Variants in GALNT13 observed in about 807,000 individuals in gnomAD.
GALNT13 encodes polypeptide N-acetylgalactosaminyltransferase 13, also known as UDP-GalNAc:polypeptide N-acetylgalactosaminyltransferase 13.
GALNT13 carries 28 observed loss-of-function variants against 64.2 expected under a neutral mutation model. That is an observed-to-expected ratio of 0.44 (90% CI 0.32 to 0.60). GALNT13 has a LOEUF of 0.60. Among genes scored for constraint, GALNT13 ranks in the 20% least tolerant of loss-of-function variants. The pLI, the probability that GALNT13 is intolerant of heterozygous loss-of-function variation, is 0.05. For synonymous variants in GALNT13, 214 were observed against 224.6 expected (o/e 0.95, Z 0.42); for missense variants, 577 against 669.8 (o/e 0.86, Z 1.53).
chr2:153,977,454 C>A (rs1204760500), intron 3 of GALNT13, among the ~76,000 whole-genome samples: 1 of 152,148 alleles, frequency 6.6e-6, no homozygotes, highest in African/African-American at 2.4e-5. Context: ...TGGTGCTCAG[C>A]AAAGGGGGAA....
chr2:153,447,597 C>T, the GALNT13 span, among the ~76,000 whole-genome samples: 1 of 152,132 alleles, frequency 6.6e-6, no homozygotes, highest in African/African-American at 2.4e-5. Context: ...ATGCATATGC[C>T]TTACCATATA....
the GALNT13 span, among the ~76,000 whole-genome samples, chr2:153,749,130 G>A: frequency 1.3e-5 from 2 of 152,006 alleles, no homozygotes; most frequent in Non-Finnish European, 2.9e-5. Context: ...TCAAAAATGA[G>A]TTGACTGTAG....
At chr2:153,564,976 A>G in the GALNT13 span, among the ~76,000 whole-genome samples, 2 of 152,114 alleles carry the variant, frequency 1.3e-5, no homozygotes, top group Non-Finnish European at 2.9e-5. Context: ...CTTAGCGCCT[A>G]AGGGTGTCTT....
chr2:153,919,200 A>G (rs137931101), intron 2 of GALNT13, among the ~76,000 whole-genome samples: 13 of 151,878 alleles, frequency 8.6e-5, no homozygotes, highest in African/African-American at 3.1e-4. Context: ...TGGCACCCTC[A>G]TTTTCTATCA....
At chr2:154,196,718 A>G (rs868758137) in intron 4 of GALNT13, among the ~76,000 whole-genome samples, 2 of 152,230 alleles carry the variant, frequency 1.3e-5, no homozygotes, top group South Asian at 2.1e-4. Context: ...AAATTCAACC[A>G]TGTTTCAATA....
chr2:153,403,881 C>T, the GALNT13 span, among the ~76,000 whole-genome samples: 750 of 152,324 alleles, frequency 4.9e-3, 4 homozygotes, highest in African/African-American at 0.017. Context: ...GCAGAAATCA[C>T]CCGTCTTCTG....
rs67387315 is a variant in GALNT13, at chr2:154,269,906, G to GTATATATATATATATATA, written c.975+10770_975+10787dup. On this transcript the variant is annotated intron_variant, in intron 8 of 12. Transcript: ENST00000392825. ...GTCATATATATATTTATATATATGT[G>GTATATATATATATATATA]TATATATATATATATATATTTCTAA... is the stretch of plus-strand genomic sequence containing the variant. 2.1e-3 allele frequency among the ~76,000 whole-genome samples: 199 copies of GTATATATATATATATATA among 96,828 alleles called. 7 individuals carry two copies. Among genetic ancestry groups the GTATATATATATATATATA allele is most frequent in the Admixed American group, 3.3e-3 (26 of 7,868 alleles). The allele number at this position is 96,828 out of a possible 152,430, so 63.5% of individuals were successfully genotyped here.
At position 154,450,568 on chromosome 2, in the gene GALNT13, G is replaced by C. The variant is rs1213513607; in HGVS notation, c.*17G>C. On this transcript the variant is annotated 3_prime_UTR_variant, in exon 13 of 13. Transcript: ENST00000392825. The stretch of plus-strand genomic sequence containing the variant: ...GGCACATGAAGATCATGTCCTCCAA[G>C]CCATGAAAGTGTCTACGCTTTTGTT... 1 of 1,571,434 alleles carries C rather than the reference G, an allele frequency of 6.4e-7. No homozygotes were observed. The highest frequency in any genetic ancestry group is 1.4e-5 in the African/African-American group (1 of 72,908).
chr2:154,386,866 T>C (rs904930865), intron 9 of GALNT13, among the ~76,000 whole-genome samples: 8 of 152,110 alleles, frequency 5.3e-5, no homozygotes, highest in African/African-American at 1.9e-4. Context: ...AAGTTTGAGG[T>C]AATTGCCTAG....
the GALNT13 span, among the ~76,000 whole-genome samples, chr2:153,404,975 G>A: frequency 6.6e-6 from 1 of 152,292 alleles, no homozygotes; most frequent in South Asian, 2.1e-4. Flanking sequence ...TGGGACAGGT[G>A]TCACATTTCC....
At chr2:153,737,022 A>T in the GALNT13 span, among the ~76,000 whole-genome samples, 2 of 152,148 alleles carry the variant, frequency 1.3e-5, no homozygotes, top group Admixed American at 6.6e-5. Context: ...TTGGGATCCA[A>T]TATTCTATGT....
the GALNT13 span, among the ~76,000 whole-genome samples, chr2:153,689,519 C>T: frequency 0.72 from 109,120 of 151,912 alleles, 40,254 homozygotes; most frequent in Non-Finnish European, 0.81. Context: ...TTCAAAATCA[C>T]GAAGATATAC....
chr2:154,115,307 GTTATTA>G (rs977317072), intron 3 of GALNT13, among the ~76,000 whole-genome samples: 9 of 151,898 alleles, frequency 5.9e-5, no homozygotes, highest in South Asian at 2.1e-4. Flanking sequence ...TATTATTATT[GTTATTA>G]TTATTATACT....
At chr2:153,108,267 A>G in the GALNT13 span, among the ~76,000 whole-genome samples, 1 of 152,212 alleles carries the variant, frequency 6.6e-6, no homozygotes, top group African/African-American at 2.4e-5. Context: ...ATAAATTTAA[A>G]AAGAACAAGT....
chr2:154,200,367 G>A (rs1464914570), intron 4 of GALNT13, among the ~76,000 whole-genome samples: 1 of 152,120 alleles, frequency 6.6e-6, no homozygotes, highest in African/African-American at 2.4e-5. Flanking sequence ...GGTCTGGTAA[G>A]AGTATGGCAA....
chr2:153,340,983 C>T, the GALNT13 span, among the ~76,000 whole-genome samples: 2 of 152,126 alleles, frequency 1.3e-5, no homozygotes, highest in East Asian at 1.9e-4. Flanking sequence ...CCTACTGAAT[C>T]GTAAGCTCTG....
At chr2:154,298,526 A>AATTTATATAT (rs1693096648) in intron 8 of GALNT13, among the ~76,000 whole-genome samples, 3 of 88,212 alleles carry the variant, frequency 3.4e-5, no homozygotes, top group African/African-American at 1.2e-4. Context: ...TATTATATAT[A>AATTTATATAT]AAATTGTATA....
At chr2:154,343,153 G>A (rs1386829739) in intron 9 of GALNT13, among the ~76,000 whole-genome samples, 1 of 151,848 alleles carries the variant, frequency 6.6e-6, no homozygotes. Context: ...TAAACATGGG[G>A]GCATCAGCTC....
At chr2:154,191,524 T>C (rs571997459) in intron 4 of GALNT13, among the ~76,000 whole-genome samples, 2 of 152,214 alleles carry the variant, frequency 1.3e-5, no homozygotes, top group African/African-American at 4.8e-5. Context: ...TATTGTGCGG[T>C]ATGAATGTAA....
Sources: allele counts gnomAD v4.1 joint callset (sites outside exome capture counted in the v4.1 genomes callset), GRCh38; gene constraint gnomAD v4.1.1; transcripts MANE v1.5; gene names NCBI Gene and HGNC (gene_info 2026-07-23, HGNC 2026-07-21).